Variants in SLC22A16 observed in about 807,000 individuals in gnomAD.
The protein encoded by SLC22A16 is solute carrier family 22 member 16.
In SLC22A16, 53 loss-of-function variants were observed where a neutral mutation model predicts 52.9. The ratio of observed to expected loss-of-function variants is 1.00; its 90% CI spans 0.80 to 1.26. The LOEUF is 1.26. Ranked by LOEUF, SLC22A16 falls within the 50% of genes most tolerant of loss-of-function variation. The pLI, the probability that SLC22A16 is intolerant of heterozygous loss-of-function variation, is 0.00. For synonymous variants in SLC22A16, 291 were observed against 268.8 expected, an observed-to-expected ratio of 1.08 and a Z score of -0.81; for missense variants, 726 against 704.0, an observed-to-expected ratio of 1.03 and a Z score of -0.35.
rs752551528 is a variant in SLC22A16, at chr6:110,438,775, GC to G, written c.1255del (p.Ala419ProfsTer16). The G allele has an allele frequency of 6.2e-7, 1 of 1,614,070 alleles. No individual in the cohort carries two copies. Among genetic ancestry groups the G allele is most frequent in the Non-Finnish European group, 8.5e-7 (1 of 1,180,004 alleles). ...CAGTGCACTGCAGAAAAGAGAGTAG[GC>G]CAGGACTGTTCTCCTCCCGACCTTG... ...MDKVGRRTVL[A>X]YSLFCSALAC... On this transcript the variant is annotated frameshift_variant, in exon 5 of 8. Transcript: ENST00000368919. LOFTEE classifies it high-confidence loss of function.
Position 110,427,034 on chromosome 6 carries a change from G to A in SLC22A16, c.1522-1949C>T, listed in dbSNP as rs565274295. Among the ~76,000 whole-genome samples, 25 of 150,908 alleles carry A rather than the reference G, an allele frequency of 1.7e-4. No homozygotes were observed. The South Asian group carries it at 4.4e-3, about 27-fold the overall frequency. ...TGGGAGGCTAAGGCTGGCGGATCACGTGAGGTCAGGAGTTTGAGACCAGCC... is the reference window on the plus strand; with the variant it reads ...TGGGAGGCTAAGGCTGGCGGATCACATGAGGTCAGGAGTTTGAGACCAGCC... On this transcript the variant is annotated intron_variant, in intron 7 of 7. Coordinates refer to ENST00000368919, the MANE Select transcript of SLC22A16 (RefSeq NM_033125.4).
At chr6:110,431,814 C>T (rs1774518060) in intron 6 of SLC22A16, among the ~76,000 whole-genome samples, 1 of 152,176 alleles carries the variant, frequency 6.6e-6, no homozygotes, top group Non-Finnish European at 1.5e-5. Context: ...TAATTCAAGA[C>T]AATTCATGAC....
At chr6:110,449,444 T>C (rs898951925) in intron 2 of SLC22A16, among the ~76,000 whole-genome samples, 1 of 152,158 alleles carries the variant, frequency 6.6e-6, no homozygotes, top group Admixed American at 6.5e-5. Context: ...TTTAATGTCC[T>C]GCAGAGCTGC....
intron 1 of SLC22A16, among the ~76,000 whole-genome samples, chr6:110,469,093 T>C (rs1179821180): frequency 6.6e-6 from 1 of 152,202 alleles, no homozygotes; most frequent in Non-Finnish European, 1.5e-5. Context: ...TGCCATCCAG[T>C]CTGCTTCTAT....
Position 110,442,258 on chromosome 6 carries a change from T to C in SLC22A16, c.1169A>G (p.Asn390Ser), listed in dbSNP as rs550927696. Residue 390 changes from asparagine (N) to serine (S), a missense_variant, in exon 4 of 8, where the codon AAC becomes AGC. By Grantham distance (46) the Asn-to-Ser change is conservative. Transcript: ENST00000368919. The part of the protein sequence containing the change: ...SVNLGGNEYL[N>S]LFLLGVVEIP... ...TAACTACTTACCCAGGAGGAAGAGG[T>C]TTAAGTATTCATTGCCTCCTAAGTT... 8.1e-5 allele frequency: 131 copies of C among 1,613,740 alleles called. 1 individual carries two copies. In the South Asian group the frequency reaches 1.4e-3, roughly 17 times the overall value.
In SLC22A16 at chr6:110,442,524, A is replaced by C. The variant is rs770516099; in HGVS notation, c.903T>G (p.Tyr301Ter). The C allele has an allele frequency of 3.1e-6, 5 of 1,614,020 alleles. No individual in the cohort carries two copies. The highest frequency in any genetic ancestry group is 4.2e-6 in the Non-Finnish European group (5 of 1,180,034). The change falls in exon 4 of 8, where the codon TAT (tyrosine) becomes TAG (stop). Residue 301 changes from tyrosine to a stop codon, truncating the protein, a stop_gained. Coordinates refer to ENST00000368919, the MANE Select transcript of SLC22A16 (RefSeq NM_033125.4). LOFTEE classifies it high-confidence loss of function. Reference protein sequence around the residue: ...TPFWLLSEGRYEEAQKIVDIM... With the variant: ...TPFWLLSEGR ...TGTCAACTATTTTTTGTGCTTCTTC[A>C]TATCGTCCCTCTGAGAGAAGCCAAA... is the stretch of plus-strand genomic sequence containing the variant.
chr6:110,431,037 A>G (rs1447826575), intron 7 of SLC22A16, 134 bp downstream of exon 7: 1 of 700,936 alleles, frequency 1.4e-6, no homozygotes, highest in African/African-American at 1.8e-5. Context: ...GCTGTTGGTA[A>G]TGGGGTTGTT....
In SLC22A16 at chr6:110,442,245, C is replaced by G; in HGVS notation, c.1182G>C (p.Leu394=). The change falls in exon 4 of 8, where the codon CTG becomes CTC. Residue 394 remains leucine (L), a splice_region_variant and synonymous_variant. Transcript: ENST00000368919. ...GGNEYLNLFL[L]GVVEIPAYTF... ...TTTAAATATACTGTAACTACTTACC[C>G]AGGAGGAAGAGGTTTAAGTATTCAT... The G allele has an allele frequency of 6.2e-7, 1 of 1,612,834 alleles. No individual in the cohort carries two copies. The highest frequency in any genetic ancestry group is 8.5e-7 in the Non-Finnish European group (1 of 1,179,352).
chr6:110,468,169 G>A (rs1009999319), intron 1 of SLC22A16, among the ~76,000 whole-genome samples: 1 of 152,234 alleles, frequency 6.6e-6, no homozygotes, highest in African/African-American at 2.4e-5. Flanking sequence ...CAAAATGCAG[G>A]CGGGAAGTAA....
At chr6:110,440,495 C>T (rs1031509070) in intron 4 of SLC22A16, among the ~76,000 whole-genome samples, 3 of 152,114 alleles carry the variant, frequency 2.0e-5, no homozygotes, top group Non-Finnish European at 2.9e-5. Context: ...AGGTCATGGA[C>T]GGCGGGGTGC....
chr6:110,429,697 G>A (rs1211571850), intron 7 of SLC22A16, among the ~76,000 whole-genome samples: 7 of 152,098 alleles, frequency 4.6e-5, no homozygotes, highest in Non-Finnish European at 8.8e-5. Flanking sequence ...GAAGACACAC[G>A]CACAAATAAT....
chr6:110,457,290 G>A (rs1259736410), intron 1 of SLC22A16, among the ~76,000 whole-genome samples: 1 of 152,214 alleles, frequency 6.6e-6, no homozygotes, highest in African/African-American at 2.4e-5. Flanking sequence ...TCTCCAATGA[G>A]AGGAGCCAGA....
chr6:110,441,944 G>A (rs150779460), intron 4 of SLC22A16, among the ~76,000 whole-genome samples: 170 of 152,266 alleles, frequency 1.1e-3, no homozygotes, highest in African/African-American at 3.9e-3. Flanking sequence ...GGAATAAATG[G>A]CTGATGTCGT....
intron 1 of SLC22A16, among the ~76,000 whole-genome samples, chr6:110,458,472 T>A (rs1196921973): frequency 6.6e-6 from 1 of 152,224 alleles, no homozygotes; most frequent in Non-Finnish European, 1.5e-5. Flanking sequence ...TACAGCCAGT[T>A]GGAAGCTGAA....
chr6:110,438,316 C>CTTTTTAT (rs374323291), intron 5 of SLC22A16, among the ~76,000 whole-genome samples: 5 of 152,010 alleles, frequency 3.3e-5, no homozygotes, highest in Admixed American at 3.3e-4. Context: ...GGATTATGAA[C>CTTTTTAT]TTTTTATTTT....
intron 1 of SLC22A16, among the ~76,000 whole-genome samples, chr6:110,470,119 G>A (rs965719482): frequency 6.6e-6 from 1 of 152,170 alleles, no homozygotes; most frequent in Non-Finnish European, 1.5e-5. Flanking sequence ...AGTGTGGCTT[G>A]TGGTGGGCCA....
chr6:110,427,059 C>A (rs1774285626), intron 7 of SLC22A16, among the ~76,000 whole-genome samples: 1 of 151,490 alleles, frequency 6.6e-6, no homozygotes, highest in African/African-American at 2.4e-5. Flanking sequence ...TGAGACCAGC[C>A]TGGGCAATAT....
At chr6:110,471,985 A>C (rs916427281) in intron 1 of SLC22A16, among the ~76,000 whole-genome samples, 6 of 152,182 alleles carry the variant, frequency 3.9e-5, no homozygotes, top group Non-Finnish European at 7.4e-5. Flanking sequence ...CACCTGATCC[A>C]TATTGACAAG....
At chr6:110,462,396 TG>T (rs1312233340) in intron 1 of SLC22A16, among the ~76,000 whole-genome samples, 2 of 152,106 alleles carry the variant, frequency 1.3e-5, no homozygotes, top group African/African-American at 4.8e-5. Context: ...ATTCAAAATA[TG>T]GATTGTAAGA....
Sources: allele counts gnomAD v4.1 joint callset (sites outside exome capture counted in the v4.1 genomes callset), GRCh38; gene constraint gnomAD v4.1.1; transcripts MANE v1.5; gene names NCBI Gene and HGNC (gene_info 2026-07-23, HGNC 2026-07-21).